ARHGAP35: variants seen among roughly 807,000 people sequenced by gnomAD.
ARHGAP35 encodes the protein Rho GTPase activating protein 35.
In ARHGAP35, 15 loss-of-function variants were observed where a neutral mutation model predicts 111.1. The ratio of observed to expected loss-of-function variants is 0.13; its 90% CI spans 0.09 to 0.21. ARHGAP35 has a LOEUF of 0.21. Ranked by LOEUF, ARHGAP35 falls within the 10% of genes least tolerant of loss-of-function variation. The pLI is 1.00. For synonymous variants in ARHGAP35, 643 were observed against 710.3 expected, an observed-to-expected ratio of 0.91 and a Z score of 1.51; for missense variants, 1,262 against 1,873.0, an observed-to-expected ratio of 0.67 and a Z score of 6.02.
intron 3 of ARHGAP35, among the ~76,000 whole-genome samples, chr19:46,974,010 A>G (rs2056567040): frequency 6.6e-6 from 1 of 151,992 alleles, no homozygotes; most frequent in Non-Finnish European, 1.5e-5. Context: ...AAAAAAATTG[A>G]GACAGAATCT....
intron 1 of ARHGAP35, among the ~76,000 whole-genome samples, chr19:46,905,561 C>G (rs910829556): frequency 7.5e-5 from 11 of 146,486 alleles, no homozygotes; most frequent in East Asian, 2.2e-4. Flanking sequence ...TTCCACCCCC[C>G]CCCCCCAAGA....
intron 1 of ARHGAP35, among the ~76,000 whole-genome samples, chr19:46,914,373 G>GGT (rs1209237882): frequency 6.6e-6 from 1 of 152,148 alleles, no homozygotes; most frequent in Non-Finnish European, 1.5e-5. Context: ...GGGAGGCTGA[G>GGT]GTGTGAGTGG....
At chr19:46,911,760 C>T (rs1033320875) in intron 1 of ARHGAP35, among the ~76,000 whole-genome samples, 17 of 152,084 alleles carry the variant, frequency 1.1e-4, no homozygotes, top group African/African-American at 3.9e-4. Flanking sequence ...ATTATAATCC[C>T]CTTTTACACC....
intron 1 of ARHGAP35, among the ~76,000 whole-genome samples, chr19:46,912,609 G>C (rs527946791): frequency 1.3e-5 from 2 of 152,114 alleles, no homozygotes; most frequent in African/African-American, 4.8e-5. Context: ...GCCCACCTCG[G>C]CCTCCCAAAG....
At chr19:46,934,045 T>A (rs550897695) in intron 2 of ARHGAP35, among the ~76,000 whole-genome samples, 1 of 152,332 alleles carries the variant, frequency 6.6e-6, no homozygotes, top group South Asian at 2.1e-4. Context: ...TCCATTTCTG[T>A]TCCTTCACAG....
chr19:46,968,302 A>G (rs1402766350), intron 3 of ARHGAP35, among the ~76,000 whole-genome samples: 1 of 152,210 alleles, frequency 6.6e-6, no homozygotes, highest in South Asian at 2.1e-4. Flanking sequence ...TGTTGCTGAT[A>G]GGGCATGCGT....
At chr19:46,954,505 T>C (rs539351837) in intron 3 of ARHGAP35, among the ~76,000 whole-genome samples, 2 of 152,358 alleles carry the variant, frequency 1.3e-5, no homozygotes, top group South Asian at 2.1e-4. Flanking sequence ...AGCCGTGGTC[T>C]GAAGAGATGA....
intron 3 of ARHGAP35, among the ~76,000 whole-genome samples, chr19:46,971,264 G>A (rs540502879): frequency 6.6e-6 from 1 of 151,994 alleles, no homozygotes; most frequent in African/African-American, 2.4e-5. Flanking sequence ...AAATTAGCCG[G>A]GCGTGGTGGC....
rs1475854691 is a variant in ARHGAP35, at chr19:46,921,992, C to G, written c.3317C>G (p.Ser1106Cys). 1.2e-6 allele frequency: 2 copies of G among 1,613,864 alleles called. No individual in the cohort carries two copies. The highest frequency in any genetic ancestry group is 1.7e-6 in the Non-Finnish European group (2 of 1,179,894). Residue 1106 changes from serine (S) to cysteine (C), a missense_variant, in exon 2 of 7, where the codon TCC becomes TGC. By Grantham distance (112) the Ser-to-Cys change is moderately radical. This residue lies in a region of ARHGAP35 where 579 missense variants were observed against 716.9 expected (regional missense o/e 0.81). Transcript: ENST00000672722. The surrounding 1 kb of genome is among the most constrained non-coding windows in gnomAD (Gnocchi z 4.3). Reference protein sequence around the residue: ...KPRNEEENIYSVPHDSTQGKI... With the variant: ...KPRNEEENIYCVPHDSTQGKI... ...AGGAATGAAGAAGAAAACATATACT[C>G]CGTGCCCCATGACAGCACCCAAGGC...
At chr19:46,909,631 C>A (rs990536375) in intron 1 of ARHGAP35, among the ~76,000 whole-genome samples, 1 of 152,146 alleles carries the variant, frequency 6.6e-6, no homozygotes, top group African/African-American at 2.4e-5. Context: ...ATCTTCCTCT[C>A]ACATTGGGTA....
At chr19:46,939,295 A>T (rs572725904) in intron 3 of ARHGAP35, among the ~76,000 whole-genome samples, 1 of 149,858 alleles carries the variant, frequency 6.7e-6, no homozygotes, top group East Asian at 2.0e-4. Context: ...TCTTTTTGAC[A>T]CTCGTTTTAT....
chr19:46,884,918 A>G (rs1020462482), intron 1 of ARHGAP35, among the ~76,000 whole-genome samples: 4 of 151,974 alleles, frequency 2.6e-5, no homozygotes, highest in African/African-American at 4.8e-5. Context: ...AGATCTTGCT[A>G]TGTTGCCCAG....
rs191170887 is a variant in ARHGAP35 at position 46,966,264 on chromosome 19, T to C, written c.3827-21725T>C. ...ATTTTATTTATATACAAAATGCAATTGAGGCCAGGCGCAGTGGCTCATGCC... is the reference window on the plus strand; with the variant it reads ...ATTTTATTTATATACAAAATGCAATCGAGGCCAGGCGCAGTGGCTCATGCC... On this transcript the variant is annotated intron_variant, in intron 3 of 6. Transcript: ENST00000672722. Among the ~76,000 whole-genome samples, 106 of 152,336 alleles carry C rather than the reference T, an allele frequency of 7.0e-4. 1 individual carries two copies. Among genetic ancestry groups the C allele is most frequent in the Non-Finnish European group, 2.2e-4 (15 of 68,040 alleles).
At chr19:46,954,173 C>G (rs1362874841) in intron 3 of ARHGAP35, among the ~76,000 whole-genome samples, 2 of 152,202 alleles carry the variant, frequency 1.3e-5, no homozygotes, top group East Asian at 1.9e-4. Flanking sequence ...GACTTCCCAG[C>G]CCTCAGAACC....
Position 46,937,340 on chromosome 19 carries a change from C to G in ARHGAP35, c.3758C>G (p.Thr1253Ser). 6.2e-7 allele frequency: 1 copy of G among 1,613,980 alleles called. No individual in the cohort carries two copies. The highest frequency in any genetic ancestry group is 8.5e-7 in the Non-Finnish European group (1 of 1,179,872). Residue 1253 changes from threonine to serine, a missense_variant, in exon 3 of 7, where the codon ACT (threonine) becomes AGT (serine). Physicochemically the swap from Thr to Ser is moderately conservative, Grantham distance 58. Transcript: ENST00000672722. Reference protein sequence around the residue: ...ESNYFGVPLTTVVTPEKPIPI... With the variant: ...ESNYFGVPLTSVVTPEKPIPI... ...AACTATTTTGGGGTGCCCTTAACAACTGTCGTGACTCCAGAGAAGCCGATC... is the reference window on the plus strand; with the variant it reads ...AACTATTTTGGGGTGCCCTTAACAAGTGTCGTGACTCCAGAGAAGCCGATC...
intron 3 of ARHGAP35, among the ~76,000 whole-genome samples, chr19:46,958,740 C>A (rs2056457706): frequency 6.6e-6 from 1 of 152,234 alleles, no homozygotes; most frequent in Non-Finnish European, 1.5e-5. Context: ...CTGTTTGAAA[C>A]AATGGTTTTG....
intron 3 of ARHGAP35, among the ~76,000 whole-genome samples, chr19:46,951,152 A>G (rs535877948): frequency 2.6e-5 from 4 of 152,328 alleles, no homozygotes; most frequent in Non-Finnish European, 4.4e-5. Flanking sequence ...CCTTCCCCCT[A>G]TGCAGCTCAT....
At chr19:46,954,494 G>C (rs75616739) in intron 3 of ARHGAP35, among the ~76,000 whole-genome samples, 275 of 152,368 alleles carry the variant, frequency 1.8e-3, no homozygotes, top group African/African-American at 6.2e-3. Flanking sequence ...TGCCACTTGA[G>C]AGCCGTGGTC....
chr19:46,891,386 T>C (rs1208051183), intron 1 of ARHGAP35, among the ~76,000 whole-genome samples: 1 of 152,074 alleles, frequency 6.6e-6, no homozygotes, highest in African/African-American at 2.4e-5. Flanking sequence ...ATCTCTCATT[T>C]TTGGCCACTT....
Sources: gnomAD v4.1 joint callset for allele counts (sites outside exome capture counted in the v4.1 genomes callset) on GRCh38, gnomAD v4.1.1 for gene constraint, gnomAD v4.1.1 regional missense constraint, Gnocchi (gnomAD v3.1) non-coding constraint, MANE v1.5 for transcripts, NCBI Gene and HGNC (gene_info 2026-07-23, HGNC 2026-07-21) for gene names.